The following SETD1A variants were observed in gnomAD, a reference collection of about 807,000 sequenced individuals.
SETD1A encodes histone-lysine N-methyltransferase SETD1A.
Under a neutral mutation model 149.9 loss-of-function variants are expected in SETD1A, and 29 were observed. The observed-to-expected ratio is 0.19, with a 90% CI of 0.14 to 0.26. SETD1A has a LOEUF of 0.26. SETD1A is among the 10% of genes least tolerant of loss of function. The pLI is 1.00. For synonymous variants in SETD1A, 1,141 were observed against 968.5 expected (o/e 1.18, Z -3.31); for missense variants, 2,109 against 2,353.1 (o/e 0.90, Z 2.15).
chr16:30,982,848 G>A (rs1435791635), intron 17 of SETD1A, among the ~76,000 whole-genome samples: 3 of 152,140 alleles, frequency 2.0e-5, no homozygotes, highest in Non-Finnish European at 4.4e-5. Flanking sequence ...TGAGGGGGAC[G>A]GGAGGCCCTC....
At chr16:30,958,449 T>G (rs1596666996) in intron 1 of SETD1A, 20 of 346,416 alleles carry the variant, frequency 5.8e-5, no homozygotes, top group East Asian at 1.1e-4. Flanking sequence ...CGAGGCCAAG[T>G]GGGGCGCGCG....
At position 30,971,487 on chromosome 16, in the gene SETD1A, A is replaced by ATCC. The variant is rs777098458; in HGVS notation, c.3141_3143dup (p.Ser1058dup). 14 of 1,611,430 alleles carry ATCC rather than the reference A, an allele frequency of 8.7e-6. No individual in the cohort carries two copies. The highest frequency in any genetic ancestry group is 3.3e-5 in the South Asian group (3 of 90,820). On this transcript the variant is annotated inframe_insertion, in exon 13 of 19. Coordinates refer to ENST00000262519, the MANE Select transcript of SETD1A (RefSeq NM_014712.3). ...AGAGCAGCAGCTCTTCCAGCTCCTC[A>ATCC]TCCTCCTCCTCCTCCTCGTCCTCAT...
intron 6 of SETD1A, 115 bp downstream of exon 6, chr16:30,964,438 C>G: frequency 2.3e-6 from 3 of 1,324,152 alleles, no homozygotes; most frequent in Non-Finnish European, 3.1e-6. Context: ...GTCCTAGTTT[C>G]TCTGTGGATT....
At chr16:30,978,211 T>C (rs1596689474) in intron 13 of SETD1A, among the ~76,000 whole-genome samples, 1 of 149,066 alleles carries the variant, frequency 6.7e-6, no homozygotes, top group South Asian at 2.1e-4. Flanking sequence ...GAGGCGGAGG[T>C]TGCAGTAAGC....
rs1567367226 is a variant in SETD1A at position 30,983,735 on chromosome 16, G to T, written c.4913G>T (p.Cys1638Phe). Residue 1638 changes from cysteine (C) to phenylalanine (F), a missense_variant, in exon 18 of 19, where the codon TGT (cysteine) becomes TTT (phenylalanine). Cys to Phe is a radical substitution (Grantham distance 205, BLOSUM62 -2). Around this residue, in one of 8 missense-constraint regions of SETD1A, gnomAD observed 254 missense variants for 409.3 expected, o/e 0.62. Coordinates refer to ENST00000262519, the MANE Select transcript of SETD1A (RefSeq NM_014712.3). This position sits in a 1 kb window ranked among gnomAD's most constrained non-coding sequence, Gnocchi z 6.8. ...GACACCATCATCGATGCCACCAAGT[G>T]TGGCAACCTGGCCAGATTCATCAAC... ...DHDTIIDATK[C>F]GNLARFINHC... 4 of 1,614,170 alleles carry T rather than the reference G, an allele frequency of 2.5e-6. No homozygotes were observed. The highest frequency in any genetic ancestry group is 1.1e-5 in the South Asian group (1 of 91,088).
rs909415189 is a variant in SETD1A, at chr16:30,979,419, C to A, written c.3633C>A (p.Pro1211=). The A allele has an allele frequency of 1.9e-6, 3 of 1,610,606 alleles. No homozygotes were observed. The highest frequency in any genetic ancestry group is 2.5e-6 in the Non-Finnish European group (3 of 1,178,668). ...TGGAGCGGACCATCCGCAACCTGCC[C>A]CTGGACCACGCATCTCTGGTCAAGA... ...RGVERTIRNL[P]LDHASLVKSW... is the part of the protein sequence containing the mutation. Residue 1211 remains proline, a synonymous_variant, in exon 14 of 19, where the codon CCC becomes CCA. Transcript: ENST00000262519.
intron 3 of SETD1A, among the ~76,000 whole-genome samples, chr16:30,960,730 CTTTTTTTT>C: frequency 1.2e-5 from 1 of 80,542 alleles, no homozygotes; most frequent in East Asian, 3.6e-4. Context: ...TTCTTTCTTT[CTTTTTTTT>C]TTTTTTTTTT....
intron 13 of SETD1A, among the ~76,000 whole-genome samples, chr16:30,975,414 C>CCCACAA (rs1411258567): frequency 1.3e-5 from 2 of 151,844 alleles, no homozygotes; most frequent in Non-Finnish European, 2.9e-5. Context: ...TCATTGAATC[C>CCCACAA]CCACAACCTC....
In SETD1A at chr16:30,961,599, C is replaced by G; in HGVS notation, c.517+62C>G. ...CCAGCGGAGGTTGTACATGCAAATG[C>G]CTGTCAGGGTCAGGCAGGCGCCCAG... On this transcript the variant is annotated intron_variant, in intron 4 of 18. Coordinates refer to ENST00000262519, the MANE Select transcript of SETD1A (RefSeq NM_014712.3). The surrounding 1 kb of genome is among the most constrained non-coding windows in gnomAD (Gnocchi z 4.0). 1.3e-6 allele frequency: 2 copies of G among 1,545,636 alleles called. No individual in the cohort carries two copies. Among genetic ancestry groups the G allele is most frequent in the South Asian group, 2.3e-5 (2 of 86,574 alleles).
intron 13 of SETD1A, among the ~76,000 whole-genome samples, chr16:30,975,293 G>A (rs931888720): frequency 6.6e-6 from 1 of 152,118 alleles, no homozygotes; most frequent in Non-Finnish European, 1.5e-5. Context: ...CTGGGCGACA[G>A]AGCGAGACTT....
intron 6 of SETD1A, 112 bp from the exon 7 acceptor site, chr16:30,964,500 A>G: frequency 4.0e-6 from 6 of 1,516,138 alleles, no homozygotes; most frequent in Non-Finnish European, 4.4e-6. Context: ...AACCCAACAT[A>G]TAGCTCTTCT....
Position 30,983,801 on chromosome 16 carries a change from T to C in SETD1A, c.4950+29T>C, listed in dbSNP as rs2056416751. On this transcript the variant is annotated intron_variant, in intron 18 of 18. Coordinates refer to ENST00000262519, the MANE Select transcript of SETD1A (RefSeq NM_014712.3). The surrounding 1 kb of genome is among the most constrained non-coding windows in gnomAD (Gnocchi z 6.8). ...CGCCAGGGGCCAGCCGGGGCAGGAG[T>C]TGGGGGTCGGTGGGGGTGGCCACGG... 1 of 1,611,768 alleles carries C rather than the reference T, an allele frequency of 6.2e-7. No homozygotes were observed. Among genetic ancestry groups the C allele is most frequent in the African/African-American group, 1.3e-5 (1 of 74,714 alleles).
At position 30,980,774 on chromosome 16, in the gene SETD1A, G is replaced by A. The variant is rs1437462559; in HGVS notation, c.4617G>A (p.Glu1539=). ...TNRVLSERRS[E]QRRLLSAIGT... is the part of the protein sequence containing the mutation. ...GCGTGCTGTCCGAGCGCCGGTCCGA[G>A]CAGCGGCGGCTGCTGAGCGCCATCG... The change falls in exon 16 of 19, where the codon GAG becomes GAA. Residue 1539 remains glutamate (E), a synonymous_variant. Transcript: ENST00000262519. This position sits in a 1 kb window ranked among gnomAD's most constrained non-coding sequence, Gnocchi z 7.7. 1.9e-6 allele frequency: 3 copies of A among 1,612,824 alleles called. No individual in the cohort carries two copies. In the Admixed American group the frequency reaches 5.0e-5, roughly 27 times the overall value.
In SETD1A at chr16:30,958,712, A is replaced by G; in HGVS notation, c.-15-5A>G. 1 of 1,613,586 alleles carries G rather than the reference A, an allele frequency of 6.2e-7. No individual in the cohort carries two copies. The highest frequency in any genetic ancestry group is 8.5e-7 in the Non-Finnish European group (1 of 1,179,586). On this transcript the variant is annotated splice_polypyrimidine_tract_variant and splice_region_variant and intron_variant, in intron 1 of 18. Transcript: ENST00000262519. ...CCTTCTTGCGTGTCCCTCTTCCCCT[A>G]ACAGTGTAAATGAGCAAAGATGGAT... is the stretch of plus-strand genomic sequence containing the variant.
In SETD1A at chr16:30,965,065, T is replaced by C; in HGVS notation, c.1323T>C (p.Gly441=). The part of the protein sequence containing the change: ...EAPPPEPPEP[G]GGGGGGGPSP... ...CACCCCCGGAGCCTCCAGAACCTGGTGGAGGCGGGGGTGGAGGAGGGCCCA... is the reference window on the plus strand; with the variant it reads ...CACCCCCGGAGCCTCCAGAACCTGGCGGAGGCGGGGGTGGAGGAGGGCCCA... Residue 441 remains glycine, a synonymous_variant, in exon 7 of 19, where the codon GGT becomes GGC. Transcript: ENST00000262519. 1 of 1,611,584 alleles carries C rather than the reference T, an allele frequency of 6.2e-7. No individual in the cohort carries two copies. Among genetic ancestry groups the C allele is most frequent in the Non-Finnish European group, 8.5e-7 (1 of 1,179,490 alleles).
chr16:30,983,925 G>A lies in SETD1A; in HGVS notation c.5026G>A (p.Val1676Met), dbSNP rs1231015194. The A allele has an allele frequency of 2.5e-5, 40 of 1,613,778 alleles. No homozygotes were observed. Among genetic ancestry groups the A allele is most frequent in the Non-Finnish European group, 3.1e-5 (36 of 1,179,898 alleles). ...GATCTACTCCAAGCAGCCCATTGGCGTGGACGAGGAGATCACCTACGACTA... is the reference window on the plus strand; with the variant it reads ...GATCTACTCCAAGCAGCCCATTGGCATGGACGAGGAGATCACCTACGACTA... Reference protein sequence around the residue: ...IVIYSKQPIGVDEEITYDYKF... With the variant: ...IVIYSKQPIGMDEEITYDYKF... The change falls in exon 19 of 19, where the codon GTG becomes ATG. Residue 1676 changes from valine to methionine, a missense_variant. Coordinates refer to ENST00000262519, the MANE Select transcript of SETD1A (RefSeq NM_014712.3). The surrounding 1 kb of genome is among the most constrained non-coding windows in gnomAD (Gnocchi z 6.8).
chr16:30,963,309 G>A, intron 4 of SETD1A, 124 bp from the exon 5 acceptor site: 7 of 888,238 alleles, frequency 7.9e-6, no homozygotes, highest in Non-Finnish European at 1.2e-5. Context: ...TAGGAGAACT[G>A]AAATCCTGAA....
Position 30,961,428 on chromosome 16 carries a change from C to T in SETD1A, c.408C>T (p.Gly136=), listed in dbSNP as rs1421494921. ...ACCCCCGTACGCGCAAGCACCTGGG[C>T]CTGGCCCGTGTGCTCTTCACCAGCA... ...LLHPRTRKHL[G]LARVLFTSTR... The change falls in exon 4 of 19, where the codon GGC becomes GGT. Residue 136 remains glycine, a synonymous_variant. Coordinates refer to ENST00000262519, the MANE Select transcript of SETD1A (RefSeq NM_014712.3). The surrounding 1 kb of genome is among the most constrained non-coding windows in gnomAD (Gnocchi z 4.0). 6.2e-7 allele frequency: 1 copy of T among 1,614,214 alleles called. No individual in the cohort carries two copies. The highest frequency in any genetic ancestry group is 2.2e-5 in the East Asian group (1 of 44,888).
chr16:30,981,006 G>C, intron 16 of SETD1A, 55 bp from the exon 17 acceptor site: 1 of 1,607,742 alleles, frequency 6.2e-7, no homozygotes, highest in South Asian at 1.1e-5. Flanking sequence ...TGGGAAGAGT[G>C]AGGGTCTGGG....
Sources: gnomAD v4.1 joint callset for allele counts (sites outside exome capture counted in the v4.1 genomes callset) on GRCh38, gnomAD v4.1.1 for gene constraint, gnomAD v4.1.1 regional missense constraint, Gnocchi (gnomAD v3.1) non-coding constraint, MANE v1.5 for transcripts, NCBI Gene and HGNC (gene_info 2026-07-23, HGNC 2026-07-21) for gene names.